The following IQCM variants were observed in gnomAD, a reference collection of about 807,000 sequenced individuals.
The protein encoded by IQCM is IQ motif containing M, also known as IQ domain-containing protein M.
In IQCM, 45 loss-of-function variants were observed where a neutral mutation model predicts 57.6. The ratio of observed to expected loss-of-function variants is 0.78; its 90% CI spans 0.62 to 1.00. The LOEUF (loss-of-function observed/expected upper bound fraction) is 1.00, where lower values mean the gene tolerates loss of function less well. Ranked by LOEUF, IQCM falls within the 50% of genes least tolerant of loss-of-function variation. The probability of loss-of-function intolerance (pLI) is 0.00; values close to 1 mark genes in which losing one functional copy is unlikely to be tolerated. For synonymous variants in IQCM, 148 were observed against 158.9 expected, an observed-to-expected ratio of 0.93 and a Z score of 0.51; for missense variants, 468 against 511.6, an observed-to-expected ratio of 0.91 and a Z score of 0.82.
At chr4:149,586,635 A>G (rs1054564299) in intron 9 of IQCM, among the ~76,000 whole-genome samples, 3 of 151,578 alleles carry the variant, frequency 2.0e-5, no homozygotes, top group Non-Finnish European at 4.4e-5. Flanking sequence ...AACCTGTTAC[A>G]TGTGCCCTTA....
In IQCM at chr4:149,585,051, G is replaced by A. The variant is rs556592468; in HGVS notation, c.749+2879C>T. Among the ~76,000 whole-genome samples, 104 of 151,810 alleles carry A rather than the reference G, an allele frequency of 6.9e-4. 3 individuals are homozygous for A. The highest frequency in any genetic ancestry group is 2.1e-3 in the African/African-American group (89 of 41,480). The stretch of plus-strand genomic sequence containing the variant: ...TATTTGCCAACTGTAAAGGGTTCCC[G>A]CAAAGCTTGTGGGTATGTGTAAATT... On this transcript the variant is annotated intron_variant, in intron 9 of 13. Transcript: ENST00000636793.
At chr4:149,734,743 A>T (rs1766776629) in intron 4 of IQCM, among the ~76,000 whole-genome samples, 1 of 151,898 alleles carries the variant, frequency 6.6e-6, no homozygotes, top group South Asian at 2.1e-4. Flanking sequence ...TCCTCTATAG[A>T]TGCTCTCCTC....
At chr4:149,592,742 G>T (rs184865592) in intron 8 of IQCM, among the ~76,000 whole-genome samples, 1 of 152,142 alleles carries the variant, frequency 6.6e-6, no homozygotes, top group East Asian at 1.9e-4. Context: ...GTTTTTGTCA[G>T]GTTTGTCAAA....
intron 12 of IQCM, among the ~76,000 whole-genome samples, chr4:149,445,811 A>T (rs764036593): frequency 4.6e-5 from 7 of 151,798 alleles, no homozygotes; most frequent in Non-Finnish European, 7.4e-5. Context: ...GTTTCATTTA[A>T]GATTGCAGTT....
chr4:149,439,791 AC>A (rs1383694275), intron 12 of IQCM, among the ~76,000 whole-genome samples: 1 of 152,140 alleles, frequency 6.6e-6, no homozygotes, highest in East Asian at 1.9e-4. Flanking sequence ...TGAGAGTAAT[AC>A]AATAACACAA....
chr4:149,771,609 A>G (rs2149988935), intron 2 of IQCM, among the ~76,000 whole-genome samples: 1 of 152,172 alleles, frequency 6.6e-6, no homozygotes. Flanking sequence ...TCCTCTTTAT[A>G]GTAATGCTTT....
chr4:149,529,424 T>C (rs1216300269), intron 12 of IQCM, among the ~76,000 whole-genome samples: 1 of 152,212 alleles, frequency 6.6e-6, no homozygotes, highest in East Asian at 1.9e-4. Context: ...TTTTGAGTTA[T>C]TATATTTTAC....
At chr4:149,635,366 G>C (rs892088308) in intron 7 of IQCM, among the ~76,000 whole-genome samples, 2 of 152,188 alleles carry the variant, frequency 1.3e-5, no homozygotes, top group African/African-American at 2.4e-5. Flanking sequence ...CAACTAGAAT[G>C]TAAGTGTCAC....
intron 12 of IQCM, among the ~76,000 whole-genome samples, chr4:149,508,904 G>A (rs1283966299): frequency 1.3e-5 from 2 of 152,178 alleles, no homozygotes; most frequent in Non-Finnish European, 2.9e-5. Context: ...GGTCTTTCCA[G>A]TGCTGTTCTC....
chr4:149,437,833 T>G (rs906971412), intron 12 of IQCM, among the ~76,000 whole-genome samples: 3 of 152,094 alleles, frequency 2.0e-5, no homozygotes, highest in Admixed American at 2.0e-4. Flanking sequence ...ATTTCAACAC[T>G]CAAAATGCAT....
At position 149,405,558 on chromosome 4, in the gene IQCM, TA is replaced by T. The variant is rs560338743; in HGVS notation, c.1390+27837del. ...ATGTACCCTAGAACTTAAAGTATAA[TA>T]AAAAAAAAAGAATAAGTAATAGCTG... On this transcript the variant is annotated intron_variant, in intron 13 of 13. Coordinates refer to ENST00000636793, the MANE Select transcript of IQCM (RefSeq NM_001363507.2). Among the ~76,000 whole-genome samples, 678 of 138,554 alleles carry T rather than the reference TA, an allele frequency of 4.9e-3. 6 individuals carry two copies. Among genetic ancestry groups the T allele is most frequent in the African/African-American group, 0.015 (580 of 37,458 alleles). The allele number at this position is 138,554 out of a possible 152,430, so 90.9% of individuals were successfully genotyped here. A position where few individuals can be genotyped will look rare whatever the true frequency, so the allele number is the denominator to read the frequency against.
At chr4:149,615,331 T>C (rs1048773200) in intron 8 of IQCM, among the ~76,000 whole-genome samples, 1 of 152,196 alleles carries the variant, frequency 6.6e-6, no homozygotes, top group Non-Finnish European at 1.5e-5. Context: ...ATTCCAGGTC[T>C]CACTCACCTT....
At chr4:149,777,591 AT>A (rs1771211999) in intron 2 of IQCM, among the ~76,000 whole-genome samples, 1 of 152,120 alleles carries the variant, frequency 6.6e-6, no homozygotes, top group East Asian at 1.9e-4. Flanking sequence ...CCTTTCATCT[AT>A]TTTGCCTATA....
chr4:149,690,922 C>T (rs1435879120), intron 5 of IQCM: 2 of 152,130 alleles, frequency 1.3e-5, no homozygotes, highest in African/African-American at 2.4e-5. Flanking sequence ...CTGTGCTCTA[C>T]ACTGCCCCCT....
At position 149,534,650 on chromosome 4, in the gene IQCM, T is replaced by A. The variant is rs575940446; in HGVS notation, c.1228+13805A>T. On this transcript the variant is annotated intron_variant, in intron 12 of 13. Coordinates refer to ENST00000636793, the MANE Select transcript of IQCM (RefSeq NM_001363507.2). ...GTTTTATGGTAGGAACATGAGATAT[T>A]TATATTAATCCCTGAAAAACTATGC... 1.8e-4 allele frequency among the ~76,000 whole-genome samples: 27 copies of A among 152,160 alleles called. 1 individual carries two copies. Among genetic ancestry groups the A allele is most frequent in the Non-Finnish European group, 8.8e-5 (6 of 67,976 alleles).
At chr4:149,377,610 CCAGT>C (rs1176717986) in intron 13 of IQCM, among the ~76,000 whole-genome samples, 1 of 152,060 alleles carries the variant, frequency 6.6e-6, no homozygotes, top group Non-Finnish European at 1.5e-5. Flanking sequence ...ATGTATATTT[CCAGT>C]CTGAATATCT....
chr4:149,815,514 G>T (rs1054589239), intron 1 of IQCM, 86 bp downstream of exon 1: 2 of 148,896 alleles, frequency 1.3e-5, no homozygotes, highest in African/African-American at 5.2e-5. Flanking sequence ...AAAAAAAAAT[G>T]TGCCTTGCAG....
At chr4:149,357,153 A>G (rs948220056) in intron 13 of IQCM, among the ~76,000 whole-genome samples, 4 of 152,116 alleles carry the variant, frequency 2.6e-5, no homozygotes, top group Non-Finnish European at 5.9e-5. Flanking sequence ...GGGCTGAGAC[A>G]ATGGGGTTTT....
chr4:149,620,840 A>C (rs952641903), intron 8 of IQCM, among the ~76,000 whole-genome samples: 1 of 152,220 alleles, frequency 6.6e-6, no homozygotes, highest in Non-Finnish European at 1.5e-5. Flanking sequence ...TTACAAAAAT[A>C]GTGGAGGTGC....
Sources: allele counts gnomAD v4.1 joint callset (sites outside exome capture counted in the v4.1 genomes callset), GRCh38; gene constraint gnomAD v4.1.1; transcripts MANE v1.5; gene names NCBI Gene and HGNC (gene_info 2026-07-23, HGNC 2026-07-21).